The following TMEM135 variants were observed in gnomAD, a reference collection of about 807,000 sequenced individuals.
TMEM135 encodes the protein peroxisomal membrane protein 52.
In TMEM135, 30 loss-of-function variants were observed where a neutral mutation model predicts 60.3. That is an observed-to-expected ratio of 0.50 (90% CI 0.37 to 0.68). The LOEUF (loss-of-function observed/expected upper bound fraction) is 0.68, where lower values mean the gene tolerates loss of function less well. Ranked by LOEUF, TMEM135 falls within the 30% of genes least tolerant of loss-of-function variation. The probability of loss-of-function intolerance (pLI) is 0.00; values close to 1 mark genes in which losing one functional copy is unlikely to be tolerated. For synonymous variants in TMEM135, 190 were observed against 186.7 expected (o/e 1.02, Z -0.14); for missense variants, 468 against 548.8 (o/e 0.85, Z 1.47).
chr11:87,086,430 G>A (rs1022192322), intron 3 of TMEM135, among the ~76,000 whole-genome samples: 1 of 152,102 alleles, frequency 6.6e-6, no homozygotes, highest in Non-Finnish European at 1.5e-5. Context: ...CTTGTTCCGT[G>A]TCCAAGAAGA....
chr11:87,196,868 C>A (rs1380104561), intron 5 of TMEM135, among the ~76,000 whole-genome samples: 1 of 152,008 alleles, frequency 6.6e-6, no homozygotes, highest in Non-Finnish European at 1.5e-5. Flanking sequence ...AAGTTACTAT[C>A]CAAAATTGAA....
intron 5 of TMEM135, among the ~76,000 whole-genome samples, chr11:87,229,382 G>A (rs953893105): frequency 2.0e-5 from 3 of 152,080 alleles, no homozygotes; most frequent in Admixed American, 1.3e-4. Flanking sequence ...TCACTAATAA[G>A]AGAGATGTAA....
intron 1 of TMEM135, among the ~76,000 whole-genome samples, chr11:87,047,330 G>C (rs894779548): frequency 6.6e-5 from 10 of 152,072 alleles, no homozygotes; most frequent in African/African-American, 2.2e-4. Flanking sequence ...GGCCGAATAG[G>C]AACAGCTCCG....
intron 9 of TMEM135, among the ~76,000 whole-genome samples, chr11:87,307,557 T>G (rs1942572953): frequency 6.6e-6 from 1 of 152,044 alleles, no homozygotes; most frequent in Non-Finnish European, 1.5e-5. Context: ...AAGGTGATAT[T>G]AAAAAAATTG....
chr11:87,259,041 C>CCTGTACATTT (rs1941589446), intron 6 of TMEM135: 2 of 1,466,784 alleles, frequency 1.4e-6, no homozygotes, highest in Non-Finnish European at 1.9e-6. Context: ...CCCTGGGAAA[C>CCTGTACATTT]CTGTACATTT....
chr11:87,190,523 T>A (rs917021015), intron 5 of TMEM135, among the ~76,000 whole-genome samples: 1 of 152,074 alleles, frequency 6.6e-6, no homozygotes, highest in Non-Finnish European at 1.5e-5. Flanking sequence ...AAAAGGTAAC[T>A]CTCTGTAGGT....
At chr11:87,144,109 A>T (rs908673503) in intron 4 of TMEM135, among the ~76,000 whole-genome samples, 10 of 150,186 alleles carry the variant, frequency 6.7e-5, no homozygotes, top group South Asian at 4.3e-4. Context: ...GTACCTGATT[A>T]AAAAAATTGG....
intron 6 of TMEM135, among the ~76,000 whole-genome samples, chr11:87,267,467 C>A (rs1003309525): frequency 2.0e-5 from 3 of 151,844 alleles, no homozygotes; most frequent in Non-Finnish European, 2.9e-5. Flanking sequence ...TATTATATAG[C>A]AAAAGAAAAA....
intron 5 of TMEM135, among the ~76,000 whole-genome samples, chr11:87,219,578 T>C (rs990660932): frequency 3.9e-5 from 6 of 152,132 alleles, no homozygotes; most frequent in African/African-American, 1.4e-4. Context: ...CCACTTCTTA[T>C]ACAGACACCA....
intron 5 of TMEM135, among the ~76,000 whole-genome samples, chr11:87,193,212 C>A: frequency 6.6e-6 from 1 of 152,084 alleles, no homozygotes; most frequent in Non-Finnish European, 1.5e-5. Flanking sequence ...GTGGAGACAA[C>A]AAGGTACCTG....
At chr11:87,040,693 G>A (rs1949743313) in intron 1 of TMEM135, among the ~76,000 whole-genome samples, 1 of 151,784 alleles carries the variant, frequency 6.6e-6, no homozygotes, top group Non-Finnish European at 1.5e-5. Context: ...AGGGTATCAG[G>A]ATTTGAATCT....
chr11:87,038,268 C>G, intron 1 of TMEM135, 82 bp downstream of exon 1: 1 of 1,438,824 alleles, frequency 7.0e-7, no homozygotes, highest in Non-Finnish European at 9.3e-7. Context: ...CCGAGGGGCT[C>G]TGGGGGACTT....
intron 5 of TMEM135, among the ~76,000 whole-genome samples, chr11:87,159,072 T>C (rs1938789151): frequency 6.6e-6 from 1 of 152,198 alleles, no homozygotes; most frequent in Non-Finnish European, 1.5e-5. Flanking sequence ...ATTGGATATA[T>C]ACTTATTTTA....
chr11:87,197,049 G>T (rs1939976669), intron 5 of TMEM135, among the ~76,000 whole-genome samples: 1 of 151,908 alleles, frequency 6.6e-6, no homozygotes, highest in South Asian at 2.1e-4. Context: ...CCAAAATAAA[G>T]GAAATTCAGA....
chr11:87,292,290 A>G (rs1056021034), intron 6 of TMEM135, among the ~76,000 whole-genome samples: 1 of 152,002 alleles, frequency 6.6e-6, no homozygotes, highest in Admixed American at 6.5e-5. Flanking sequence ...TATATGACAT[A>G]TTTACTTTTT....
intron 9 of TMEM135, among the ~76,000 whole-genome samples, chr11:87,308,254 G>C (rs188490500): frequency 1.3e-5 from 2 of 152,052 alleles, no homozygotes; most frequent in African/African-American, 4.8e-5. Context: ...ATTAATGGGT[G>C]GATGAATAGT....
At chr11:87,143,993 T>C (rs1176349945) in intron 4 of TMEM135, among the ~76,000 whole-genome samples, 2 of 152,212 alleles carry the variant, frequency 1.3e-5, no homozygotes, top group Non-Finnish European at 2.9e-5. Context: ...TAAATACTTT[T>C]GTCCAGATTT....
chr11:87,067,430 G>A (rs977122645), intron 1 of TMEM135, among the ~76,000 whole-genome samples: 1 of 151,416 alleles, frequency 6.6e-6, no homozygotes, highest in Non-Finnish European at 1.5e-5. Context: ...TTGTTTTAAG[G>A]CATTACAAAT....
At chr11:87,198,175 A>G (rs543817661) in intron 5 of TMEM135, among the ~76,000 whole-genome samples, 16 of 152,220 alleles carry the variant, frequency 1.1e-4, no homozygotes, top group African/African-American at 3.6e-4. Flanking sequence ...CCTCCCAACC[A>G]TCCTCCTCAG....
Sources: allele counts gnomAD v4.1 joint callset (sites outside exome capture counted in the v4.1 genomes callset), GRCh38; gene constraint gnomAD v4.1.1; transcripts MANE v1.5; gene names NCBI Gene and HGNC (gene_info 2026-07-23, HGNC 2026-07-21).